Variants in HS3ST4 observed in about 807,000 individuals in gnomAD.
HS3ST4 encodes heparan sulfate glucosamine 3-O-sulfotransferase 4.
HS3ST4 carries 17 observed loss-of-function variants against 29.2 expected under a neutral mutation model. The ratio of observed to expected loss-of-function variants is 0.58; its 90% CI spans 0.40 to 0.87. HS3ST4 has a LOEUF of 0.87. Among genes scored for constraint, HS3ST4 ranks in the 40% least tolerant of loss-of-function variants. The pLI is 0.00. For missense variants in HS3ST4, 627 were observed against 634.5 expected, an observed-to-expected ratio of 0.99 and a Z score of 0.13; for synonymous variants, 314 against 285.7, an observed-to-expected ratio of 1.10 and a Z score of -1.00.
chr16:25,955,258 G>T (rs1269681610), intron 1 of HS3ST4, among the ~76,000 whole-genome samples: 15 of 152,138 alleles, frequency 9.9e-5, no homozygotes, highest in Non-Finnish European at 1.3e-4. Context: ...GTTGGCAATG[G>T]GTCAGGGATG....
chr16:25,853,784 A>C (rs575053417), intron 1 of HS3ST4, among the ~76,000 whole-genome samples: 1 of 152,206 alleles, frequency 6.6e-6, no homozygotes, highest in Non-Finnish European at 1.5e-5. Context: ...TTTTGCATTG[A>C]TGTTCATTAG....
Position 25,750,889 on chromosome 16 carries a change from T to G in HS3ST4, c.734+57738T>G, listed in dbSNP as rs911803083. 9.8e-5 allele frequency among the ~76,000 whole-genome samples: 15 copies of G among 152,294 alleles called. No individual in the cohort carries two copies. The East Asian group carries it at 1.9e-3, about 20-fold the overall frequency. The stretch of plus-strand genomic sequence containing the variant: ...CTTTGCTGCCTTAGGAATAAAACAG[T>G]TCCCTCCGCAGCATTTGAATGAGTC... On this transcript the variant is annotated intron_variant, in intron 1 of 1. Transcript: ENST00000331351.
chr16:25,945,213 ATAT>A (rs1968613398), intron 1 of HS3ST4, among the ~76,000 whole-genome samples: 1 of 152,190 alleles, frequency 6.6e-6, no homozygotes, highest in Non-Finnish European at 1.5e-5. Flanking sequence ...TGCATATTGT[ATAT>A]TATTGTGCAT....
intron 1 of HS3ST4, among the ~76,000 whole-genome samples, chr16:25,774,299 C>T (rs1186635626): frequency 2.0e-5 from 3 of 152,188 alleles, no homozygotes; most frequent in Non-Finnish European, 4.4e-5. Context: ...TGCCTATGTG[C>T]CAGGCACTTC....
intron 1 of HS3ST4, among the ~76,000 whole-genome samples, chr16:25,837,574 A>G (rs1239708054): frequency 6.6e-6 from 1 of 152,114 alleles, no homozygotes; most frequent in East Asian, 1.9e-4. Context: ...ACCTATGGCT[A>G]TCTATTTGAT....
At chr16:25,817,621 AAAGCCT>A (rs1967107335) in intron 1 of HS3ST4, among the ~76,000 whole-genome samples, 1 of 152,250 alleles carries the variant, frequency 6.6e-6, no homozygotes, top group Non-Finnish European at 1.5e-5. Flanking sequence ...GTGGCAGTTA[AAAGCCT>A]GAGTGATGTT....
chr16:25,712,073 CT>C lies in HS3ST4; in HGVS notation c.734+18926del, dbSNP rs1278124316. 7.2e-5 allele frequency among the ~76,000 whole-genome samples: 11 copies of C among 152,244 alleles called. No homozygotes were observed. In the Middle Eastern group the frequency reaches 0.01, roughly 141 times the overall value. On this transcript the variant is annotated intron_variant, in intron 1 of 1. Coordinates refer to ENST00000331351, the MANE Select transcript of HS3ST4 (RefSeq NM_006040.3). Reference sequence around the variant, plus strand: ...TATACTCCTGTAACATCATTTAACACTTTTACGTTTATAAAAATGATAGATT... The same window carrying C: ...TATACTCCTGTAACATCATTTAACACTTTACGTTTATAAAAATGATAGATT...
At chr16:26,119,280 A>C (rs1025099327) in intron 1 of HS3ST4, among the ~76,000 whole-genome samples, 9 of 152,234 alleles carry the variant, frequency 5.9e-5, no homozygotes, top group Non-Finnish European at 1.3e-4. Flanking sequence ...GGAACAAGAC[A>C]GGGAGAGATG....
At chr16:25,721,163 A>C (rs1966490554) in intron 1 of HS3ST4, among the ~76,000 whole-genome samples, 1 of 152,168 alleles carries the variant, frequency 6.6e-6, no homozygotes, top group Non-Finnish European at 1.5e-5. Context: ...TTTGGGCATA[A>C]GGAACAGTGT....
At chr16:25,803,025 C>G (rs1966954797) in intron 1 of HS3ST4, among the ~76,000 whole-genome samples, 1 of 151,220 alleles carries the variant, frequency 6.6e-6, no homozygotes, top group Non-Finnish European at 1.5e-5. Context: ...ATATATTTCT[C>G]TTTCTCTGCC....
chr16:26,041,767 C>G (rs549773120), intron 1 of HS3ST4, among the ~76,000 whole-genome samples: 67 of 152,326 alleles, frequency 4.4e-4, no homozygotes, highest in Admixed American at 4.2e-3. Context: ...ATATTGGCCT[C>G]TGAGCCAATA....
intron 1 of HS3ST4, among the ~76,000 whole-genome samples, chr16:25,756,011 A>G (rs1308791021): frequency 1.3e-5 from 2 of 152,138 alleles, no homozygotes; most frequent in Non-Finnish European, 2.9e-5. Context: ...TAAAAGAGAA[A>G]CTACATTTTT....
At chr16:26,080,012 G>A (rs1273070916) in intron 1 of HS3ST4, among the ~76,000 whole-genome samples, 1 of 152,132 alleles carries the variant, frequency 6.6e-6, no homozygotes, top group Non-Finnish European at 1.5e-5. Context: ...AGATGAGGAC[G>A]CTGAAGCACA....
chr16:26,056,609 T>G (rs2141768941), intron 1 of HS3ST4, among the ~76,000 whole-genome samples: 1 of 152,330 alleles, frequency 6.6e-6, no homozygotes, highest in South Asian at 2.1e-4. Flanking sequence ...TTACCTAATG[T>G]GTGCACACTG....
chr16:25,776,974 T>C (rs1484247581), intron 1 of HS3ST4, among the ~76,000 whole-genome samples: 1 of 152,234 alleles, frequency 6.6e-6, no homozygotes, highest in Non-Finnish European at 1.5e-5. Context: ...CCAATATGCA[T>C]GCCCTCATTA....
At chr16:25,979,794 C>G (rs777904982) in intron 1 of HS3ST4, among the ~76,000 whole-genome samples, 2 of 152,196 alleles carry the variant, frequency 1.3e-5, no homozygotes, top group Non-Finnish European at 2.9e-5. Context: ...GAACTGCTGT[C>G]CTGTTAGACT....
chr16:25,801,793 G>C (rs868332317), intron 1 of HS3ST4, among the ~76,000 whole-genome samples: 3 of 151,666 alleles, frequency 2.0e-5, no homozygotes, highest in South Asian at 2.1e-4. Flanking sequence ...TTACAATATA[G>C]GTTACAAATA....
At chr16:25,860,011 G>A (rs2141654154) in intron 1 of HS3ST4, among the ~76,000 whole-genome samples, 1 of 152,294 alleles carries the variant, frequency 6.6e-6, no homozygotes, top group East Asian at 1.9e-4. Context: ...TATTGTGTGT[G>A]AACTGTGCAT....
intron 1 of HS3ST4, among the ~76,000 whole-genome samples, chr16:25,940,657 C>G (rs1968563653): frequency 6.6e-6 from 1 of 152,184 alleles, no homozygotes; most frequent in Non-Finnish European, 1.5e-5. Flanking sequence ...AGAAGATTTG[C>G]AAGAACTATG....
Sources: allele counts gnomAD v4.1 joint callset (sites outside exome capture counted in the v4.1 genomes callset), GRCh38; gene constraint gnomAD v4.1.1; transcripts MANE v1.5; gene names NCBI Gene and HGNC (gene_info 2026-07-23, HGNC 2026-07-21).